GPX2: variants seen among roughly 807,000 people sequenced by gnomAD.
GPX2 encodes the protein glutathione peroxidase 2, also known as gastrointestinal glutathione peroxidase.
Under a neutral mutation model 14.1 loss-of-function variants are expected in GPX2, and 21 were observed. The observed-to-expected ratio is 1.48, with a 90% CI of 1.05 to 2.14. The LOEUF (loss-of-function observed/expected upper bound fraction) is 2.14. Among genes scored for constraint, GPX2 ranks in the 30% most tolerant of loss-of-function variants. The probability of loss-of-function intolerance (pLI) is 0.00; values close to 1 mark genes in which losing one functional copy is unlikely to be tolerated. For synonymous variants in GPX2, 94 were observed against 95.2 expected, an observed-to-expected ratio of 0.99 and a Z score of 0.07; for missense variants, 241 against 249.8, an observed-to-expected ratio of 0.96 and a Z score of 0.24.
At chr14:64,942,435 C>T (rs927607491) in intron 1 of GPX2, 70 bp downstream of exon 1, 2 of 1,235,904 alleles carry the variant, frequency 1.6e-6, no homozygotes, top group Non-Finnish European at 2.4e-6. Context: ...GTCATTCAGC[C>T]TCTCCTTTTA....
intron 1 of GPX2, among the ~76,000 whole-genome samples, chr14:64,941,842 C>T (rs992927675): frequency 5.9e-5 from 9 of 152,126 alleles, no homozygotes; most frequent in African/African-American, 2.2e-4. Context: ...AGGCACGTGC[C>T]TTTTGAAAAC....
chr14:64,939,559 G>A lies in GPX2; in HGVS notation c.502C>T (p.Arg168Cys), dbSNP rs1566835881. 23 of 1,614,036 alleles carry A rather than the reference G, an allele frequency of 1.4e-5. No homozygotes were observed. Among genetic ancestry groups the A allele is most frequent in the Non-Finnish European group, 1.9e-5 (22 of 1,180,034 alleles). The change falls in exon 2 of 2, where the codon CGC becomes TGC. Residue 168 changes from arginine to cysteine, a missense_variant. By Grantham distance (180) the Arg-to-Cys change is radical (BLOSUM62 -3). Coordinates refer to ENST00000389614, the MANE Select transcript of GPX2 (RefSeq NM_002083.4). This position sits in a 1 kb window ranked among gnomAD's most constrained non-coding sequence, Gnocchi z 5.7. ...LIGPEGEPFR[R>C]YSRTFPTINI... is the part of the protein sequence containing the mutation. ...ATGGTTGGGAAGGTGCGGCTGTAGC[G>A]TCGGAAGGGCTCTCCCTCCGGCCCT...
intron 1 of GPX2, chr14:64,941,462 T>C: frequency 1.6e-6 from 2 of 1,288,822 alleles, no homozygotes; most frequent in Non-Finnish European, 2.0e-6. Context: ...GGTGTGAGGC[T>C]GGAGGTACTT....
In GPX2 at chr14:64,939,299, T is replaced by C; in HGVS notation, c.*189A>G. Reference sequence around the variant, plus strand: ...GCTTACCCAAGTCTTGGAGCCCAAGTTGAATCACCAACCAGAGGGTTGGGA... The same window carrying C: ...GCTTACCCAAGTCTTGGAGCCCAAGCTGAATCACCAACCAGAGGGTTGGGA... On this transcript the variant is annotated 3_prime_UTR_variant, in exon 2 of 2. Coordinates refer to ENST00000389614, the MANE Select transcript of GPX2 (RefSeq NM_002083.4). This position sits in a 1 kb window ranked among gnomAD's most constrained non-coding sequence, Gnocchi z 5.7. The C allele has an allele frequency of 1.7e-6, 1 of 602,550 alleles. No homozygotes were observed. The highest frequency in any genetic ancestry group is 3.0e-6 in the Non-Finnish European group (1 of 338,298). The allele number at this position is 602,550 out of a possible 1,614,324, so 37.3% of individuals were successfully genotyped here.
chr14:64,942,453 T>C, intron 1 of GPX2, 52 bp downstream of exon 1: 1 of 1,429,932 alleles, frequency 7.0e-7, no homozygotes. Context: ...TTATCCCACC[T>C]GAGCTACACC....
chr14:64,940,057 C>A lies in GPX2; in HGVS notation c.223-219G>T. On this transcript the variant is annotated intron_variant, in intron 1 of 1. Transcript: ENST00000389614. This position sits in a 1 kb window ranked among gnomAD's most constrained non-coding sequence, Gnocchi z 4.5. ...TCAGCCTCTTTAGTAGCTGAGACTA[C>A]AGACACAGGCCACCATGCCCGGCTA... 6.8e-7 allele frequency: 1 copy of A among 1,463,970 alleles called. No individual in the cohort carries two copies. The highest frequency in any genetic ancestry group is 9.1e-7 in the Non-Finnish European group (1 of 1,101,322). The allele number at this position is 1,463,970 out of a possible 1,614,324, so 90.7% of individuals were successfully genotyped here. A position where few individuals can be genotyped will look rare whatever the true frequency, so the allele number is the denominator to read the frequency against.
chr14:64,942,519 G>T lies in GPX2; in HGVS notation c.208C>A (p.Gln70Lys). ...GGACCCCTCACCTGATGTCCAAATT[G>T]GTTGCAAGGGAAGCCAAGGACCACC... ...RLVVLGFPCNQFGHQENCQNE... is the reference protein window; with the variant it reads ...RLVVLGFPCNKFGHQENCQNE... The change falls in exon 1 of 2, where the codon CAA becomes AAA. Residue 70 changes from glutamine (Q) to lysine (K), a missense_variant. Transcript: ENST00000389614. 1 of 1,614,016 alleles carries T rather than the reference G, an allele frequency of 6.2e-7. No individual in the cohort carries two copies. The highest frequency in any genetic ancestry group is 1.1e-5 in the South Asian group (1 of 91,062).
In GPX2 at chr14:64,939,669, A is replaced by G. The variant is rs992764833; in HGVS notation, c.392T>C (p.Phe131Ser). ...GAGCTTGGGATCGGTCATGAGGGAAAATGGGTCATCATAAGGGTAGGGGAG... is the reference window on the plus strand; with the variant it reads ...GAGCTTGGGATCGGTCATGAGGGAAGATGGGTCATCATAAGGGTAGGGGAG... Reference protein sequence around the residue: ...DKLPYPYDDPFSLMTDPKLII... With the variant: ...DKLPYPYDDPSSLMTDPKLII... The change falls in exon 2 of 2, where the codon TTT becomes TCT. Residue 131 changes from phenylalanine to serine, a missense_variant. Phe to Ser is a radical substitution (Grantham distance 155). Transcript: ENST00000389614. This position sits in a 1 kb window ranked among gnomAD's most constrained non-coding sequence, Gnocchi z 5.7. 5 of 1,613,958 alleles carry G rather than the reference A, an allele frequency of 3.1e-6. No individual in the cohort carries two copies. The African/African-American group carries it at 5.3e-5, about 17-fold the overall frequency.
In GPX2 at chr14:64,940,157, T is replaced by C. The variant is rs1158666709; in HGVS notation, c.223-319A>G. The stretch of plus-strand genomic sequence containing the variant: ...TTGGCTGCTCTTCAAGATTTAGCAC[T>C]TCTGAGCTGTTGCTTTTGTCTCCAG... On this transcript the variant is annotated intron_variant, in intron 1 of 1. Coordinates refer to ENST00000389614, the MANE Select transcript of GPX2 (RefSeq NM_002083.4). The surrounding 1 kb of genome is among the most constrained non-coding windows in gnomAD (Gnocchi z 4.5). 1.5e-6 allele frequency: 2 copies of C among 1,345,866 alleles called. No homozygotes were observed. The highest frequency in any genetic ancestry group is 1.9e-6 in the Non-Finnish European group (2 of 1,026,210). 83.4% of individuals were successfully genotyped at this position (1,345,866 alleles called of 1,614,324 possible).
chr14:64,939,444 AG>A lies in GPX2; in HGVS notation c.*43del. 2 of 1,496,652 alleles carry A rather than the reference AG, an allele frequency of 1.3e-6. No homozygotes were observed. The highest frequency in any genetic ancestry group is 1.8e-6 in the Non-Finnish European group (2 of 1,085,018). The allele number at this position is 1,496,652 out of a possible 1,614,324, so 92.7% of individuals were successfully genotyped here. A position where few individuals can be genotyped will look rare whatever the true frequency, so the allele number is the denominator to read the frequency against. On this transcript the variant is annotated 3_prime_UTR_variant, in exon 2 of 2. Transcript: ENST00000389614. This position sits in a 1 kb window ranked among gnomAD's most constrained non-coding sequence, Gnocchi z 5.7. ...GGCATGCTGCATCCTAAGGCTCCTC[AG>A]GACTGGATGGAGTAGGAGATCTGTG...
intron 1 of GPX2, chr14:64,941,207 C>T (rs1238362237): frequency 3.1e-6 from 1 of 321,532 alleles, no homozygotes; most frequent in South Asian, 2.7e-5. Flanking sequence ...GCTGTGACTA[C>T]AGGCACATGC....
rs1284262900 is a variant in GPX2, at chr14:64,942,580, C to T, written c.147G>A (p.Gln49=). The T allele has an allele frequency of 8.7e-6, 14 of 1,614,230 alleles. No individual in the cohort carries two copies. Among genetic ancestry groups the T allele is most frequent in the Non-Finnish European group, 1.2e-5 (14 of 1,180,046 alleles). The change falls in exon 1 of 2, where the codon CAG becomes CAA. Residue 49 remains glutamine (Q), a synonymous_variant. Transcript: ENST00000389614. The stretch of plus-strand genomic sequence containing the variant: ...GAAAGCGGCATTGCAGCTCGTTGAG[C>T]TGGGTGAAGTCCCGGGTGGTTGTGC... The part of the protein sequence containing the change: ...LUGTTTRDFT[Q]LNELQCRFPR...
chr14:64,942,623 T>G lies in GPX2; in HGVS notation c.104A>C (p.Asn35Thr). ...TFRGRAVLIE[N>T]VASLUGTTTR... ...GGTTGTGCCTCAGAGCGAAGCCACA[T>G]TCTCAATCAGCACGGCCCTGCCCCG... The change falls in exon 1 of 2, where the codon AAT becomes ACT. Residue 35 changes from asparagine (N) to threonine (T), a missense_variant. Physicochemically the swap from Asn to Thr is moderately conservative, Grantham distance 65. Transcript: ENST00000389614. 1 of 1,614,186 alleles carries G rather than the reference T, an allele frequency of 6.2e-7. No homozygotes were observed. Among genetic ancestry groups the G allele is most frequent in the Non-Finnish European group, 8.5e-7 (1 of 1,180,022 alleles).
Position 64,939,604 on chromosome 14 carries a change from T to A in GPX2, c.457A>T (p.Asn153Tyr). ...SPVRRSDVAWNFEKFLIGPEG... is the reference protein window; with the variant it reads ...SPVRRSDVAWYFEKFLIGPEG... ...GGCCCTATGAGGAACTTCTCAAAGT[T>A]CCAGGCCACATCTGAGCGGCGCACA... Residue 153 changes from asparagine (N) to tyrosine (Y), a missense_variant, in exon 2 of 2, where the codon AAC becomes TAC. Asn to Tyr is a moderately radical substitution (Grantham distance 143). Transcript: ENST00000389614. This position sits in a 1 kb window ranked among gnomAD's most constrained non-coding sequence, Gnocchi z 5.7. 1.2e-6 allele frequency: 2 copies of A among 1,614,172 alleles called. No individual in the cohort carries two copies. The highest frequency in any genetic ancestry group is 1.1e-5 in the South Asian group (1 of 91,078).
At position 64,939,229 on chromosome 14, in the gene GPX2, C is replaced by G; in HGVS notation, c.*259G>C. On this transcript the variant is annotated 3_prime_UTR_variant, in exon 2 of 2. Transcript: ENST00000389614. The surrounding 1 kb of genome is among the most constrained non-coding windows in gnomAD (Gnocchi z 5.7). Reference sequence around the variant, plus strand: ...GGCCCTTCACGCCTCTCAGACACCACCCATGAGGGTTTAGGAAGGTGCCAT... The same window carrying G: ...GGCCCTTCACGCCTCTCAGACACCAGCCATGAGGGTTTAGGAAGGTGCCAT... The G allele has an allele frequency of 2.1e-6, 1 of 473,984 alleles. No homozygotes were observed. The highest frequency in any genetic ancestry group is 3.8e-6 in the Non-Finnish European group (1 of 260,420). 29.4% of individuals were successfully genotyped at this position (473,984 alleles called of 1,614,324 possible).
In GPX2 at chr14:64,939,867, G is replaced by T; in HGVS notation, c.223-29C>A. The T allele has an allele frequency of 6.2e-7, 1 of 1,605,482 alleles. No individual in the cohort carries two copies. The highest frequency in any genetic ancestry group is 8.5e-7 in the Non-Finnish European group (1 of 1,174,480). On this transcript the variant is annotated intron_variant, in intron 1 of 1. Transcript: ENST00000389614. The surrounding 1 kb of genome is among the most constrained non-coding windows in gnomAD (Gnocchi z 5.7). Reference sequence around the variant, plus strand: ...GGGGAGGAAAAAGACAAAGTGCGTGGACAGTGGGTGGGGGAAGAGAAAGAT... The same window carrying T: ...GGGGAGGAAAAAGACAAAGTGCGTGTACAGTGGGTGGGGGAAGAGAAAGAT...
chr14:64,939,918 C>T lies in GPX2; in HGVS notation c.223-80G>A, dbSNP rs1885533903. The T allele has an allele frequency of 2.0e-6, 3 of 1,522,588 alleles. No homozygotes were observed. The highest frequency in any genetic ancestry group is 2.6e-6 in the Non-Finnish European group (3 of 1,135,954). 94.3% of individuals were successfully genotyped at this position (1,522,588 alleles called of 1,614,324 possible). On this transcript the variant is annotated intron_variant, in intron 1 of 1. Transcript: ENST00000389614. This position sits in a 1 kb window ranked among gnomAD's most constrained non-coding sequence, Gnocchi z 5.7. ...CCACAACATGAAACTCTTTCACCCT[C>T]CTACACTCCCTCCCCAGGGTCATTC...
Position 64,939,990 on chromosome 14 carries a change from C to T in GPX2, c.223-152G>A. 6.8e-7 allele frequency: 1 copy of T among 1,471,132 alleles called. No homozygotes were observed. The highest frequency in any genetic ancestry group is 1.4e-5 in the South Asian group (1 of 70,778). 91.1% of individuals were successfully genotyped at this position (1,471,132 alleles called of 1,614,324 possible). ...GAGACAAGACAGACGAGGTGTTGCT[C>T]ACTGCAGCCTTGAACTTCTGGGCTC... On this transcript the variant is annotated intron_variant, in intron 1 of 1. Coordinates refer to ENST00000389614, the MANE Select transcript of GPX2 (RefSeq NM_002083.4). The surrounding 1 kb of genome is among the most constrained non-coding windows in gnomAD (Gnocchi z 5.7).
Position 64,939,712 on chromosome 14 carries a change from C to T in GPX2, c.349G>A (p.Ala117Thr), listed in dbSNP as rs1236515086. ...TAGGGGAGCTTGTCCTTCAGGTAGG[C>T]GAAGACAGGATGCTCGTTCTGCCCA... ...VNGQNEHPVF[A>T]YLKDKLPYPY... The change falls in exon 2 of 2, where the codon GCC becomes ACC. Residue 117 changes from alanine to threonine, a missense_variant. Ala to Thr is a moderately conservative substitution (Grantham distance 58). Coordinates refer to ENST00000389614, the MANE Select transcript of GPX2 (RefSeq NM_002083.4). This position sits in a 1 kb window ranked among gnomAD's most constrained non-coding sequence, Gnocchi z 5.7. The T allele has an allele frequency of 1.7e-5, 28 of 1,613,886 alleles. No individual in the cohort carries two copies. The highest frequency in any genetic ancestry group is 1.1e-4 in the African/African-American group (8 of 74,852).
Sources: allele counts gnomAD v4.1 joint callset (sites outside exome capture counted in the v4.1 genomes callset), GRCh38; gene constraint gnomAD v4.1.1; non-coding constraint Gnocchi (gnomAD v3.1); transcripts MANE v1.5; gene names NCBI Gene and HGNC (gene_info 2026-07-23, HGNC 2026-07-21).